CDK5RAP2: variants seen among roughly 807,000 people sequenced by gnomAD.
CDK5RAP2 encodes CDK5 regulatory subunit-associated protein 2.
A neutral mutation model predicts 232.9 loss-of-function variants in CDK5RAP2; 147 were observed. The observed-to-expected ratio is 0.63, with a 90% CI of 0.55 to 0.72. The LOEUF is 0.72. Among genes scored for constraint, CDK5RAP2 ranks in the 30% least tolerant of loss-of-function variants. The pLI is 0.00. For synonymous variants in CDK5RAP2, 833 were observed against 833.7 expected, an observed-to-expected ratio of 1.00 and a Z score of 0.01; for missense variants, 2,195 against 2,231.5, an observed-to-expected ratio of 0.98 and a Z score of 0.33.
At chr9:120,472,091 G>GTA (rs2037740722) in intron 15 of CDK5RAP2, among the ~76,000 whole-genome samples, 2 of 152,328 alleles carry the variant, frequency 1.3e-5, no homozygotes, top group South Asian at 4.1e-4. Context: ...ACGGCAGACT[G>GTA]TATTTCCTTC....
intron 34 of CDK5RAP2, among the ~76,000 whole-genome samples, chr9:120,401,785 A>AC (rs949754516): frequency 2.0e-5 from 3 of 152,030 alleles, no homozygotes; most frequent in African/African-American, 7.2e-5. Flanking sequence ...GGAGTTCAAG[A>AC]CCAGCCTGCC....
chr9:120,523,254 T>C (rs906883493), intron 11 of CDK5RAP2, among the ~76,000 whole-genome samples: 1 of 152,224 alleles, frequency 6.6e-6, no homozygotes. Context: ...TGGGTAACAT[T>C]TAAATGTATA....
chr9:120,476,675 T>C (rs1399467006), intron 15 of CDK5RAP2, among the ~76,000 whole-genome samples: 9 of 141,014 alleles, frequency 6.4e-5, no homozygotes, highest in Admixed American at 7.1e-5. Context: ...CAAGACTCCA[T>C]CTCAAAAAAA....
rs760026405 is a variant in CDK5RAP2 at position 120,467,851 on chromosome 9, G to A, written c.2106+9C>T. The A allele has an allele frequency of 6.2e-7, 1 of 1,613,804 alleles. No homozygotes were observed. Among genetic ancestry groups the A allele is most frequent in the South Asian group, 1.1e-5 (1 of 91,064 alleles). ...GTAATCAGCACATGACAACAAAAAT[G>A]TTTCTTACCTCTGTTTGTTCTGTAG... On this transcript the variant is annotated intron_variant, in intron 18 of 37. Coordinates refer to ENST00000349780, the MANE Select transcript of CDK5RAP2 (RefSeq NM_018249.6).
intron 12 of CDK5RAP2, among the ~76,000 whole-genome samples, chr9:120,497,421 TAAAAAA>T (rs71385064): frequency 0.017 from 390 of 23,276 alleles, no homozygotes; most frequent in Middle Eastern, 0.031. Context: ...AAAATAAATT[TAAAAAA>T]AAAAAAAAAA....
chr9:120,437,396 AG>A lies in CDK5RAP2; in HGVS notation c.3853del (p.Leu1285CysfsTer18). The A allele has an allele frequency of 6.2e-7, 1 of 1,614,154 alleles. No individual in the cohort carries two copies. The highest frequency in any genetic ancestry group is 8.5e-7 in the Non-Finnish European group (1 of 1,179,984). The part of the protein sequence containing the change: ...NTMIKAFEEL[L>X]QASDVDYCVA... Reference sequence around the variant, plus strand: ...ACAGTAATCCACATCACTGGCCTGCAGCAACTCCTCAAATGCCTTAATCATG... The same window carrying A: ...ACAGTAATCCACATCACTGGCCTGCACAACTCCTCAAATGCCTTAATCATG... On this transcript the variant is annotated frameshift_variant, in exon 25 of 38. Transcript: ENST00000349780. LOFTEE classifies it high-confidence loss of function.
Position 120,518,477 on chromosome 9 carries a change from C to A in CDK5RAP2, c.1261G>T (p.Asp421Tyr). 6.2e-7 allele frequency: 1 copy of A among 1,613,780 alleles called. No individual in the cohort carries two copies. The highest frequency in any genetic ancestry group is 8.5e-7 in the Non-Finnish European group (1 of 1,179,980). Residue 421 changes from aspartate (D) to tyrosine (Y), a missense_variant, in exon 12 of 38, where the codon GAC becomes TAC. Transcript: ENST00000349780. ...TTCTCTCGATGGGCTTCCTCCAGGTCCTTCTCCAGTCTCTCCCTCTCCTGC... is the reference window on the plus strand; with the variant it reads ...TTCTCTCGATGGGCTTCCTCCAGGTACTTCTCCAGTCTCTCCCTCTCCTGC... ...LQQERERLEK[D>Y]LEEAHREKSK...
chr9:120,441,163 T>C (rs2035876018), intron 23 of CDK5RAP2, among the ~76,000 whole-genome samples: 1 of 152,226 alleles, frequency 6.6e-6, no homozygotes. Flanking sequence ...TCTTAACCAC[T>C]GTGCCACACT....
At chr9:120,470,381 C>T (rs2037629981) in intron 16 of CDK5RAP2, among the ~76,000 whole-genome samples, 161 bp from the exon 17 acceptor site, 1 of 152,114 alleles carries the variant, frequency 6.6e-6, no homozygotes. Context: ...CTTAAGGCAC[C>T]ACCTTTGGAG....
chr9:120,474,901 C>A (rs2037919367), intron 15 of CDK5RAP2, among the ~76,000 whole-genome samples: 1 of 152,178 alleles, frequency 6.6e-6, no homozygotes, highest in Admixed American at 6.5e-5. Flanking sequence ...CCTTCCTTAG[C>A]CCACATTCTG....
chr9:120,570,988 C>T (rs886714538), intron 2 of CDK5RAP2, among the ~76,000 whole-genome samples: 4 of 152,238 alleles, frequency 2.6e-5, no homozygotes, highest in Admixed American at 1.3e-4. Context: ...ATGGCAAAAC[C>T]GTCCTGCAAA....
chr9:120,507,485 A>C (rs150342718), intron 12 of CDK5RAP2, among the ~76,000 whole-genome samples: 8 of 152,218 alleles, frequency 5.3e-5, no homozygotes, highest in African/African-American at 1.9e-4. Flanking sequence ...CAAATCCAAG[A>C]AGCTCTAGGA....
At chr9:120,477,509 A>T in intron 14 of CDK5RAP2, 59 bp from the exon 15 acceptor site, 1 of 1,252,902 alleles carries the variant, frequency 8.0e-7, no homozygotes, top group Non-Finnish European at 1.2e-6. Flanking sequence ...GTACATCCTT[A>T]TATTATGCAA....
Position 120,491,458 on chromosome 9 carries a change from T to C in CDK5RAP2, c.1331A>G (p.Glu444Gly). The C allele has an allele frequency of 6.2e-7, 1 of 1,610,848 alleles. No homozygotes were observed. Among genetic ancestry groups the C allele is most frequent in the South Asian group, 1.1e-5 (1 of 91,008 alleles). The change falls in exon 13 of 38, where the codon GAA becomes GGA. Residue 444 changes from glutamate to glycine, a missense_variant. Glu to Gly is a moderately conservative substitution (Grantham distance 98, BLOSUM62 -2). Coordinates refer to ENST00000349780, the MANE Select transcript of CDK5RAP2 (RefSeq NM_018249.6). ...TTCATTCACTTCATTGCGTAATTTT[T>C]CAACTTCATTTCTAAGATCCTACCA... ...CTIRDLRNEV[E>G]KLRNEVNERE...
intron 34 of CDK5RAP2, 133 bp from the exon 35 acceptor site, chr9:120,401,018 A>AT: frequency 1.2e-6 from 1 of 837,276 alleles, no homozygotes; most frequent in Non-Finnish European, 1.9e-6. Flanking sequence ...CTGGTACCAC[A>AT]TAACACCAAT....
At chr9:120,464,982 C>G (rs2037294243) in intron 18 of CDK5RAP2, among the ~76,000 whole-genome samples, 1 of 152,174 alleles carries the variant, frequency 6.6e-6, no homozygotes, top group Non-Finnish European at 1.5e-5. Context: ...CCATTTCTGT[C>G]CTTTAGAGTC....
intron 4 of CDK5RAP2, among the ~76,000 whole-genome samples, chr9:120,546,318 C>A (rs1318075046): frequency 6.6e-6 from 1 of 152,210 alleles, no homozygotes; most frequent in Non-Finnish European, 1.5e-5. Context: ...TCACTTAAAG[C>A]TACAACCACA....
At chr9:120,433,933 C>T (rs1258478255) in intron 25 of CDK5RAP2, among the ~76,000 whole-genome samples, 7 of 152,204 alleles carry the variant, frequency 4.6e-5, no homozygotes, top group Non-Finnish European at 1.0e-4. Context: ...ATACATCAAA[C>T]GTTATCTATA....
At chr9:120,398,411 T>A (rs1019115684) in intron 35 of CDK5RAP2, among the ~76,000 whole-genome samples, 4 of 152,196 alleles carry the variant, frequency 2.6e-5, no homozygotes, top group Admixed American at 1.3e-4. Flanking sequence ...GAGTTTAAAT[T>A]TTTTTCTTGC....
Sources: gnomAD v4.1 joint callset for allele counts (sites outside exome capture counted in the v4.1 genomes callset) on GRCh38, gnomAD v4.1.1 for gene constraint, MANE v1.5 for transcripts, NCBI Gene and HGNC (gene_info 2026-07-23, HGNC 2026-07-21) for gene names.